The following PPFIBP2 variants were observed in gnomAD, a reference collection of about 807,000 sequenced individuals.
PPFIBP2 encodes the protein liprin-beta-2.
PPFIBP2 carries 118 observed loss-of-function variants against 118.3 expected under a neutral mutation model. The ratio of observed to expected loss-of-function variants is 1.00; its 90% CI spans 0.86 to 1.16. PPFIBP2 has a LOEUF of 1.16. Ranked by LOEUF, PPFIBP2 falls within the 50% of genes most tolerant of loss-of-function variation. The probability of loss-of-function intolerance (pLI) is 0.00; values close to 1 mark genes in which losing one functional copy is unlikely to be tolerated. For missense variants in PPFIBP2, 1,195 were observed against 1,073.1 expected, an observed-to-expected ratio of 1.11 and a Z score of -1.59; for synonymous variants, 414 against 397.4, an observed-to-expected ratio of 1.04 and a Z score of -0.50.
In PPFIBP2 at chr11:7,636,718, C is replaced by T. The variant is rs140607767; in HGVS notation, c.1236+1125C>T. On this transcript the variant is annotated intron_variant, in intron 14 of 23. Transcript: ENST00000299492. ...TTTGATTACCAAGAAATATAAGTAA[C>T]GTAGAACTATTTATAAAGAAAAAAA... 1.5e-3 allele frequency among the ~76,000 whole-genome samples: 231 copies of T among 152,222 alleles called. No individual in the cohort carries two copies. In the Middle Eastern group the frequency reaches 0.017, roughly 11 times the overall value.
intron 1 of PPFIBP2, among the ~76,000 whole-genome samples, chr11:7,521,268 A>G (rs1849733748): frequency 6.6e-6 from 1 of 152,182 alleles, no homozygotes; most frequent in South Asian, 2.1e-4. Flanking sequence ...GATCCCTAAC[A>G]TACCTGTAGA....
chr11:7,556,120 G>T (rs911531181), intron 2 of PPFIBP2, among the ~76,000 whole-genome samples: 1 of 152,104 alleles, frequency 6.6e-6, no homozygotes, highest in Admixed American at 6.5e-5. Context: ...CATTTGGCCT[G>T]GTGTGTTCTG....
chr11:7,555,394 A>T (rs1178881468), intron 2 of PPFIBP2, among the ~76,000 whole-genome samples: 3 of 152,154 alleles, frequency 2.0e-5, no homozygotes, highest in African/African-American at 7.2e-5. Context: ...ACAACAAAAG[A>T]TTGTGCAGGG....
chr11:7,656,900 G>C, downstream of PPFIBP2: 2 of 873,346 alleles, frequency 2.3e-6, no homozygotes, highest in South Asian at 2.8e-5. Context: ...GCCCAGTCCG[G>C]GCTGGCAGGG....
downstream of PPFIBP2, among the ~76,000 whole-genome samples, chr11:7,654,433 G>A (rs1229608638): frequency 6.6e-6 from 1 of 152,240 alleles, no homozygotes; most frequent in Non-Finnish European, 1.5e-5. Context: ...CGTCACCGCT[G>A]TCTGATGGCC....
intron 7 of PPFIBP2, among the ~76,000 whole-genome samples, chr11:7,621,502 G>A (rs1337843466): frequency 6.6e-6 from 1 of 152,144 alleles, no homozygotes; most frequent in Non-Finnish European, 1.5e-5. Context: ...ATCAAATCAT[G>A]TTTCTCTTAA....
intron 3 of PPFIBP2, among the ~76,000 whole-genome samples, chr11:7,579,733 C>G (rs1017771266): frequency 1.3e-5 from 2 of 152,136 alleles, no homozygotes; most frequent in Non-Finnish European, 2.9e-5. Context: ...CTCCTGTGGA[C>G]AGTTGGAAGT....
chr11:7,588,967 A>C (rs1191564234), intron 3 of PPFIBP2, among the ~76,000 whole-genome samples: 1 of 152,240 alleles, frequency 6.6e-6, no homozygotes, highest in Non-Finnish European at 1.5e-5. Flanking sequence ...CATGGTTCTC[A>C]CTATATTTTT....
intron 1 of PPFIBP2, among the ~76,000 whole-genome samples, chr11:7,532,483 A>G (rs1850785510): frequency 6.6e-6 from 1 of 152,206 alleles, no homozygotes; most frequent in African/African-American, 2.4e-5. Context: ...CCTTGGGACC[A>G]GGAGAGGATG....
At position 7,616,724 on chromosome 11, in the gene PPFIBP2, G is replaced by T. The variant is rs1239963041; in HGVS notation, c.619-4211G>T. Among the ~76,000 whole-genome samples the T allele has an allele frequency of 2.0e-5, 3 of 152,056 alleles. No individual in the cohort carries two copies. The highest frequency in any genetic ancestry group is 4.8e-5 in the African/African-American group (2 of 41,386). Reference sequence around the variant, plus strand: ...GACACGTTGGGTGTTTGGGTAAGGGGAGTCGGTGTGTGTATCATGCATATG... The same window carrying T: ...GACACGTTGGGTGTTTGGGTAAGGGTAGTCGGTGTGTGTATCATGCATATG... On this transcript the variant is annotated intron_variant, in intron 6 of 23. Coordinates refer to ENST00000299492, the MANE Select transcript of PPFIBP2 (RefSeq NM_003621.5). This position sits in a 1 kb window ranked among gnomAD's most constrained non-coding sequence, Gnocchi z 5.2.
intron 5 of PPFIBP2, among the ~76,000 whole-genome samples, chr11:7,607,116 T>TC (rs1847467392): frequency 6.6e-6 from 1 of 151,326 alleles, no homozygotes; most frequent in Non-Finnish European, 1.5e-5. Flanking sequence ...TTCACCATGT[T>TC]CGTCAGGATG....
chr11:7,525,928 C>T (rs1461534477), intron 1 of PPFIBP2, among the ~76,000 whole-genome samples: 1 of 152,172 alleles, frequency 6.6e-6, no homozygotes, highest in African/African-American at 2.4e-5. Flanking sequence ...CTGCTATTTT[C>T]AGGTGGGCAA....
At chr11:7,633,382 A>G (rs1851035761) in intron 12 of PPFIBP2, among the ~76,000 whole-genome samples, 1 of 152,220 alleles carries the variant, frequency 6.6e-6, no homozygotes, top group South Asian at 2.1e-4. Context: ...CTTCACAACA[A>G]TGAACTAATA....
At chr11:7,598,318 G>T in intron 5 of PPFIBP2, 1 of 276,464 alleles carries the variant, frequency 3.6e-6, no homozygotes, top group South Asian at 3.5e-5. Flanking sequence ...TTGCTGTATT[G>T]TCATCTTTAC....
In PPFIBP2 at chr11:7,572,771, G is replaced by GTTTGT. The variant is rs774393684; in HGVS notation, c.279+7023_279+7027dup. On this transcript the variant is annotated intron_variant, in intron 3 of 23. Coordinates refer to ENST00000299492, the MANE Select transcript of PPFIBP2 (RefSeq NM_003621.5). ...TAATCTATGTTTCGAAGAATGTTTT[G>GTTTGT]TTTGTTTTGTTTTGTTTTGTTTTTT... is the stretch of plus-strand genomic sequence containing the variant. 3.3e-5 allele frequency among the ~76,000 whole-genome samples: 5 copies of GTTTGT among 152,114 alleles called. No individual in the cohort carries two copies. The South Asian group carries it at 8.3e-4, about 25-fold the overall frequency.
At chr11:7,598,945 C>G (rs7925061) in intron 5 of PPFIBP2, among the ~76,000 whole-genome samples, 1 of 151,900 alleles carries the variant, frequency 6.6e-6, no homozygotes, top group Non-Finnish European at 1.5e-5. Flanking sequence ...CATAAAAACC[C>G]GTTTCAATGA....
At chr11:7,663,523 G>T in the PPFIBP2 span, among the ~76,000 whole-genome samples, 2 of 152,162 alleles carry the variant, frequency 1.3e-5, no homozygotes, top group Admixed American at 6.5e-5. Flanking sequence ...CTGCAGCTGC[G>T]AGCTGGGAGA....
chr11:7,646,451 GATCAGTC>G (rs1440633677), intron 17 of PPFIBP2, among the ~76,000 whole-genome samples: 2 of 152,210 alleles, frequency 1.3e-5, no homozygotes, highest in Non-Finnish European at 2.9e-5. Context: ...GATAAATATT[GATCAGTC>G]ATGCTAGAAG....
chr11:7,663,403 T>A, the PPFIBP2 span, among the ~76,000 whole-genome samples: 2 of 151,732 alleles, frequency 1.3e-5, no homozygotes, highest in Non-Finnish European at 2.9e-5. Context: ...TGGAATACCC[T>A]GCTGTGTGAG....
Sources: allele counts gnomAD v4.1 joint callset (sites outside exome capture counted in the v4.1 genomes callset), GRCh38; gene constraint gnomAD v4.1.1; non-coding constraint Gnocchi (gnomAD v3.1); transcripts MANE v1.5; gene names NCBI Gene and HGNC (gene_info 2026-07-23, HGNC 2026-07-21).